The following TMEM178A variants were observed in gnomAD, a reference collection of about 807,000 sequenced individuals.
The protein encoded by TMEM178A is transmembrane protein 178A.
In TMEM178A, 12 loss-of-function variants were observed where a neutral mutation model predicts 29.1. That is an observed-to-expected ratio of 0.41 (90% CI 0.26 to 0.67). TMEM178A has a LOEUF of 0.67. Ranked by LOEUF, TMEM178A falls within the 30% of genes least tolerant of loss-of-function variation. TMEM178A has a pLI of 0.29. For synonymous variants in TMEM178A, 210 were observed against 187.2 expected, an observed-to-expected ratio of 1.12 and a Z score of -0.99; for missense variants, 366 against 419.1, an observed-to-expected ratio of 0.87 and a Z score of 1.11.
intron 3 of TMEM178A, among the ~76,000 whole-genome samples, chr2:39,716,636 C>G (rs1349114877): frequency 6.6e-6 from 1 of 152,124 alleles, no homozygotes; most frequent in East Asian, 1.9e-4. Flanking sequence ...AAAATGAAAA[C>G]TATTTTGTGC....
the TMEM178A span, among the ~76,000 whole-genome samples, chr2:39,728,807 T>C: frequency 1.3e-5 from 2 of 152,150 alleles, no homozygotes; most frequent in Non-Finnish European, 2.9e-5. Flanking sequence ...AAGATGTATG[T>C]AAGGCTTAGG....
chr2:39,681,559 G>A (rs1454324564), intron 1 of TMEM178A, among the ~76,000 whole-genome samples: 4 of 152,276 alleles, frequency 2.6e-5, no homozygotes, highest in South Asian at 2.1e-4. Flanking sequence ...ATTGGTCTTC[G>A]AATTGGTGTC....
At chr2:39,665,588 G>C (rs1306609967), upstream of TMEM178A, 1 of 198,452 alleles carries the variant, frequency 5.0e-6, no homozygotes, top group Non-Finnish European at 1.0e-5. Context: ...GGCGAGGAGA[G>C]ATTAAAAGGG....
intron 3 of TMEM178A, among the ~76,000 whole-genome samples, chr2:39,711,846 C>A (rs1048382770): frequency 6.6e-6 from 1 of 152,124 alleles, no homozygotes; most frequent in Non-Finnish European, 1.5e-5. Flanking sequence ...TTAACACCCT[C>A]TGCAAGGTCT....
At chr2:39,675,729 C>G (rs1341769194) in intron 1 of TMEM178A, among the ~76,000 whole-genome samples, 2 of 151,666 alleles carry the variant, frequency 1.3e-5, no homozygotes, top group South Asian at 4.2e-4. Flanking sequence ...TTTTCCTGGT[C>G]AGGTATTCAT....
downstream of TMEM178A, among the ~76,000 whole-genome samples, chr2:39,719,031 T>C (rs1162593000): frequency 5.3e-5 from 8 of 152,298 alleles, no homozygotes; most frequent in East Asian, 1.5e-3. Flanking sequence ...TATTGTCATG[T>C]AAGGGCCGAA....
At chr2:39,716,620 C>T (rs1028422350) in intron 3 of TMEM178A, among the ~76,000 whole-genome samples, 4 of 151,796 alleles carry the variant, frequency 2.6e-5, no homozygotes, top group Admixed American at 1.3e-4. Flanking sequence ...AGGTGGAGAG[C>T]GAAGGAAAAT....
chr2:39,703,177 TA>T (rs1418882869), intron 1 of TMEM178A, among the ~76,000 whole-genome samples: 1 of 152,178 alleles, frequency 6.6e-6, no homozygotes, highest in East Asian at 1.9e-4. Context: ...CTCATGCCTT[TA>T]AAAAAATTAG....
the TMEM178A span, among the ~76,000 whole-genome samples, chr2:39,729,967 G>T: frequency 6.6e-6 from 1 of 151,992 alleles, no homozygotes; most frequent in Non-Finnish European, 1.5e-5. Context: ...CCAGTCCCCA[G>T]CTCCCAAAAT....
chr2:39,708,573 C>G (rs1198288505), intron 3 of TMEM178A, among the ~76,000 whole-genome samples: 1 of 150,988 alleles, frequency 6.6e-6, no homozygotes, highest in African/African-American at 2.4e-5. Context: ...CGCGCGCCAC[C>G]ATGCCCGGCT....
intron 2 of TMEM178A, among the ~76,000 whole-genome samples, chr2:39,705,774 T>C (rs893926484): frequency 1.3e-5 from 2 of 152,184 alleles, no homozygotes; most frequent in African/African-American, 4.8e-5. Context: ...GATGGCTGCA[T>C]GGGCACTTTC....
In TMEM178A at chr2:39,665,928, G is replaced by C. The variant is rs906633871; in HGVS notation, c.-47G>C. The C allele has an allele frequency of 6.7e-6, 9 of 1,342,756 alleles. No individual in the cohort carries two copies. The African/African-American group carries it at 1.2e-4, about 18-fold the overall frequency. 83.2% of individuals were successfully genotyped at this position (1,342,756 alleles called of 1,614,324 possible). A position where few individuals can be genotyped will look rare whatever the true frequency, so the allele number is the denominator to read the frequency against. ...AGCTGGGGCCAAGTGCATTGTGTCTGGCGGCGGCGCGCGAGCCCACCGGCG... is the reference window on the plus strand; with the variant it reads ...AGCTGGGGCCAAGTGCATTGTGTCTCGCGGCGGCGCGCGAGCCCACCGGCG... On this transcript the variant is annotated 5_prime_UTR_variant, in exon 1 of 4. Coordinates refer to ENST00000281961, the MANE Select transcript of TMEM178A (RefSeq NM_152390.3).
At chr2:39,718,853 C>G (rs1440421588), downstream of TMEM178A, among the ~76,000 whole-genome samples, 2 of 152,220 alleles carry the variant, frequency 1.3e-5, no homozygotes, top group South Asian at 2.1e-4. Context: ...AGGATAAAGA[C>G]AGCTTGTAAA....
intron 1 of TMEM178A, among the ~76,000 whole-genome samples, chr2:39,685,607 G>T (rs1572662127): frequency 6.6e-6 from 1 of 152,186 alleles, no homozygotes; most frequent in Non-Finnish European, 1.5e-5. Context: ...GATAAGACTA[G>T]TTAAGTTAGA....
chr2:39,717,071 G>C lies in TMEM178A; in HGVS notation c.714G>C (p.Arg238=), dbSNP rs372186330. 104 of 1,609,842 alleles carry C rather than the reference G, an allele frequency of 6.5e-5. No individual in the cohort carries two copies. Among genetic ancestry groups the C allele is most frequent in the Non-Finnish European group, 1.2e-5 (14 of 1,179,222 alleles). Residue 238 remains arginine (R), a synonymous_variant, in exon 4 of 4, where the codon CGG becomes CGC. Transcript: ENST00000281961. ...CCAGTATCTCGTATGATTTGAACCG[G>C]CTCCCAAAGCTAATTTATAGCCTGC... is the stretch of plus-strand genomic sequence containing the variant. ...YAASISYDLN[R]LPKLIYSLPA...
Position 39,684,770 on chromosome 2 carries a change from A to G in TMEM178A, c.400+18396A>G, listed in dbSNP as rs1057494996. 2.2e-4 allele frequency among the ~76,000 whole-genome samples: 33 copies of G among 151,846 alleles called. 1 individual carries two copies. Among genetic ancestry groups the G allele is most frequent in the African/African-American group, 7.3e-4 (30 of 41,308 alleles). On this transcript the variant is annotated intron_variant, in intron 1 of 3. Coordinates refer to ENST00000281961, the MANE Select transcript of TMEM178A (RefSeq NM_152390.3). The stretch of plus-strand genomic sequence containing the variant: ...TTTATTTCTCATCACTCTCCCTCTC[A>G]TGCTTTTTGCTCCAGCAATACTGAA...
intron 3 of TMEM178A, among the ~76,000 whole-genome samples, chr2:39,713,488 G>C (rs935547362): frequency 6.6e-6 from 1 of 152,128 alleles, no homozygotes; most frequent in Non-Finnish European, 1.5e-5. Context: ...GTTAAAATGA[G>C]GTGATATGGA....
At chr2:39,708,541 C>T (rs1282803192) in intron 3 of TMEM178A, among the ~76,000 whole-genome samples, 2 of 149,534 alleles carry the variant, frequency 1.3e-5, no homozygotes, top group Non-Finnish European at 3.0e-5. Flanking sequence ...GCCTCAGCCT[C>T]CCGTGTAGCT....
chr2:39,727,440 T>C, the TMEM178A span, among the ~76,000 whole-genome samples: 2 of 152,214 alleles, frequency 1.3e-5, no homozygotes, highest in Non-Finnish European at 2.9e-5. Context: ...CTCTAAGACT[T>C]TGCATCTCAC....
Sources: allele counts gnomAD v4.1 joint callset (sites outside exome capture counted in the v4.1 genomes callset), GRCh38; gene constraint gnomAD v4.1.1; transcripts MANE v1.5; gene names NCBI Gene and HGNC (gene_info 2026-07-23, HGNC 2026-07-21).